Variants in ZBTB20 observed in about 807,000 individuals in gnomAD.
ZBTB20 encodes the protein zinc finger and BTB domain containing 20.
A neutral mutation model predicts 56.9 loss-of-function variants in ZBTB20; 9 were observed. The observed-to-expected ratio is 0.16, with a 90% CI of 0.10 to 0.28. ZBTB20 has a LOEUF of 0.28. ZBTB20 is among the 10% of genes least tolerant of loss of function. The pLI, the probability that ZBTB20 is intolerant of heterozygous loss-of-function variation, is 1.00. For synonymous variants in ZBTB20, 417 were observed against 420.7 expected (o/e 0.99, Z 0.11); for missense variants, 655 against 1,003.0 (o/e 0.65, Z 4.69).
At chr3:114,634,797 T>C (rs1425597020) in intron 6 of ZBTB20, among the ~76,000 whole-genome samples, 1 of 152,184 alleles carries the variant, frequency 6.6e-6, no homozygotes, top group Admixed American at 6.5e-5. Context: ...GAAAGTGAGA[T>C]TGGAGTGTGT....
intron 5 of ZBTB20, among the ~76,000 whole-genome samples, chr3:114,782,951 C>A (rs1290413984): frequency 2.6e-5 from 4 of 152,096 alleles, no homozygotes; most frequent in African/African-American, 9.7e-5. Context: ...GTATGGCAAT[C>A]AGTCCAGTAA....
intron 2 of ZBTB20, among the ~76,000 whole-genome samples, chr3:114,979,113 G>T (rs1248242878): frequency 6.6e-6 from 1 of 151,928 alleles, no homozygotes; most frequent in Non-Finnish European, 1.5e-5. Context: ...GTATCTATTA[G>T]GTTCCTAGCA....
chr3:114,465,206 G>T (rs1406503464), intron 7 of ZBTB20, among the ~76,000 whole-genome samples: 1 of 152,062 alleles, frequency 6.6e-6, no homozygotes, highest in Non-Finnish European at 1.5e-5. Context: ...GCTACAGTTT[G>T]GTGAGTGTTT....
At chr3:114,978,302 TTTA>T (rs781039889) in intron 2 of ZBTB20, among the ~76,000 whole-genome samples, 15 of 148,520 alleles carry the variant, frequency 1.0e-4, no homozygotes, top group African/African-American at 3.4e-4. Context: ...CTTATTACTA[TTTA>T]TTATTAAATA....
At chr3:114,720,970 C>T (rs1003183370) in intron 5 of ZBTB20, among the ~76,000 whole-genome samples, 1 of 152,070 alleles carries the variant, frequency 6.6e-6, no homozygotes, top group Non-Finnish European at 1.5e-5. Context: ...TCTAGTTATA[C>T]TTTGAAAAAC....
At chr3:114,378,891 T>C (rs962094598) in intron 10 of ZBTB20, 1 of 152,282 alleles carries the variant, frequency 6.6e-6, no homozygotes, top group African/African-American at 2.4e-5. Context: ...GGTTTCTCTA[T>C]AGAAGCCTCA....
intron 1 of ZBTB20, among the ~76,000 whole-genome samples, chr3:115,078,613 G>GTGTATATATATATATA (rs769630983): frequency 2.6e-4 from 36 of 137,814 alleles, no homozygotes; most frequent in Middle Eastern, 3.8e-3. Context: ...GTGTGTGTGT[G>GTGTATATATATATATA]TATATATATA....
intron 7 of ZBTB20, among the ~76,000 whole-genome samples, chr3:114,458,618 C>T (rs951779708): frequency 1.3e-5 from 2 of 151,830 alleles, no homozygotes; most frequent in Non-Finnish European, 2.9e-5. Flanking sequence ...ATGAAAACTT[C>T]GATATTTTAG....
At chr3:114,582,078 A>G (rs1384524636) in intron 6 of ZBTB20, 2 of 152,214 alleles carry the variant, frequency 1.3e-5, no homozygotes, top group Non-Finnish European at 2.9e-5. Context: ...CTAATTCATG[A>G]TGATAGAGGT....
At chr3:115,092,497 T>C (rs1188256384) in intron 1 of ZBTB20, among the ~76,000 whole-genome samples, 1 of 152,158 alleles carries the variant, frequency 6.6e-6, no homozygotes, top group Non-Finnish European at 1.5e-5. Flanking sequence ...TATTATATCA[T>C]GCCTATATAG....
In ZBTB20 at chr3:114,318,543, G is replaced by A. The variant is rs1335755001; in HGVS notation, c.*20462C>T. The A allele has an allele frequency of 6.6e-6, 1 of 152,200 alleles. No individual in the cohort carries two copies. Among genetic ancestry groups the A allele is most frequent in the African/African-American group, 2.4e-5 (1 of 41,432 alleles). The allele number at this position is 152,200 out of a possible 1,614,324, so 9.4% of individuals were successfully genotyped here. ...TGTGGTTGCCCACTGAGAGGGTGAA[G>A]TCCCACTCACATTTTACTTCGTGAG... is the stretch of plus-strand genomic sequence containing the variant. On this transcript the variant is annotated 3_prime_UTR_variant, in exon 12 of 12. Transcript: ENST00000675478.
At chr3:114,449,556 CAACAA>C (rs547928397) in intron 7 of ZBTB20, among the ~76,000 whole-genome samples, 84 of 151,416 alleles carry the variant, frequency 5.5e-4, no homozygotes, top group South Asian at 2.9e-3. Flanking sequence ...GCGATGACAA[CAACAA>C]AACAAAACAA....
intron 5 of ZBTB20, among the ~76,000 whole-genome samples, chr3:114,737,619 T>C (rs2066270942): frequency 6.6e-6 from 1 of 152,174 alleles, no homozygotes; most frequent in Non-Finnish European, 1.5e-5. Context: ...TTATTCAAAA[T>C]GTGGAAATTT....
At chr3:114,908,549 G>A (rs1414079205) in intron 3 of ZBTB20, among the ~76,000 whole-genome samples, 8 of 151,914 alleles carry the variant, frequency 5.3e-5, no homozygotes, top group African/African-American at 1.7e-4. Flanking sequence ...CAGGTCATGT[G>A]GGAGTCTCAC....
At chr3:115,001,382 T>G (rs761503105) in intron 2 of ZBTB20, among the ~76,000 whole-genome samples, 38 of 151,398 alleles carry the variant, frequency 2.5e-4, no homozygotes, top group Non-Finnish European at 4.7e-4. Flanking sequence ...CATTCCAGAA[T>G]AAACTTCAAA....
intron 7 of ZBTB20, among the ~76,000 whole-genome samples, chr3:114,409,198 T>C (rs1385964198): frequency 7.5e-6 from 1 of 132,912 alleles, no homozygotes; most frequent in African/African-American, 2.8e-5. Context: ...ATGTGAAAAC[T>C]CCGTTCTGAA....
chr3:114,702,945 C>G (rs1012637993), intron 5 of ZBTB20, among the ~76,000 whole-genome samples: 1 of 151,194 alleles, frequency 6.6e-6, no homozygotes, highest in African/African-American at 2.4e-5. Flanking sequence ...GAAAAGTATA[C>G]TCCATTTTAT....
intron 5 of ZBTB20, among the ~76,000 whole-genome samples, chr3:114,787,696 G>A: frequency 6.6e-6 from 1 of 151,848 alleles, no homozygotes; most frequent in East Asian, 1.9e-4. Context: ...TGTATACCAA[G>A]AAGTTTATTA....
At chr3:114,763,550 G>A (rs1446702549) in intron 5 of ZBTB20, among the ~76,000 whole-genome samples, 2 of 152,102 alleles carry the variant, frequency 1.3e-5, no homozygotes, top group Non-Finnish European at 2.9e-5. Context: ...TAAATTGTTA[G>A]AATGACACTA....
Sources: gnomAD v4.1 joint callset for allele counts (sites outside exome capture counted in the v4.1 genomes callset) on GRCh38, gnomAD v4.1.1 for gene constraint, MANE v1.5 for transcripts, NCBI Gene and HGNC (gene_info 2026-07-23, HGNC 2026-07-21) for gene names.